SMYD3: variants seen among roughly 807,000 people sequenced by gnomAD.
SMYD3 encodes the protein histone-lysine N-methyltransferase SMYD3.
SMYD3 carries 36 observed loss-of-function variants against 57.7 expected under a neutral mutation model. The observed-to-expected ratio is 0.62, with a 90% CI of 0.48 to 0.82. The LOEUF is 0.82. Ranked by LOEUF, SMYD3 falls within the 40% of genes least tolerant of loss-of-function variation. The pLI is 0.00. For synonymous variants in SMYD3, 211 were observed against 195.0 expected, an observed-to-expected ratio of 1.08 and a Z score of -0.68; for missense variants, 515 against 538.8, an observed-to-expected ratio of 0.96 and a Z score of 0.44.
chr1:245,983,509 A>T (rs1031187704), intron 5 of SMYD3, among the ~76,000 whole-genome samples: 14 of 152,182 alleles, frequency 9.2e-5, no homozygotes, highest in Non-Finnish European at 2.1e-4. Context: ...GCAGATTTTT[A>T]AATTGTTTGA....
Position 246,131,662 on chromosome 1 carries a change from C to T in SMYD3, c.531+195539G>A, listed in dbSNP as rs2061590469. On this transcript the variant is annotated intron_variant, in intron 5 of 11. Transcript: ENST00000490107. ...TTGTCTTTTGTCTATTGAAATATTC[C>T]CCTCCTGACTACACAAATTGTTTCT... Among the ~76,000 whole-genome samples, 3 of 152,264 alleles carry T rather than the reference C, an allele frequency of 2.0e-5. No homozygotes were observed. The South Asian group carries it at 6.2e-4, about 32-fold the overall frequency.
rs912524985 is a variant in SMYD3 at position 245,849,376 on chromosome 1, G to A, written c.1076+9120C>T. On this transcript the variant is annotated intron_variant, in intron 10 of 11. Coordinates refer to ENST00000490107, the MANE Select transcript of SMYD3 (RefSeq NM_001167740.2). Reference sequence around the variant, plus strand: ...TGGCATCGGGAGGATATTTTACACCGTGCTTTAAGATAAAGGTTTGAAGAC... The same window carrying A: ...TGGCATCGGGAGGATATTTTACACCATGCTTTAAGATAAAGGTTTGAAGAC... Among the ~76,000 whole-genome samples, 9 of 152,260 alleles carry A rather than the reference G, an allele frequency of 5.9e-5. 1 individual carries two copies. Among genetic ancestry groups the A allele is most frequent in the East Asian group, 3.9e-4 (2 of 5,164 alleles).
chr1:246,023,092 G>T (rs2148232980), intron 5 of SMYD3, among the ~76,000 whole-genome samples: 1 of 152,228 alleles, frequency 6.6e-6, no homozygotes, highest in Non-Finnish European at 1.5e-5. Context: ...CTCCATTTAG[G>T]ACACAGGCAG....
rs757784996 is a variant in SMYD3 at position 246,203,913 on chromosome 1, T to C, written c.531+123288A>G. Among the ~76,000 whole-genome samples the C allele has an allele frequency of 2.6e-4, 40 of 152,178 alleles. No homozygotes were observed. Among genetic ancestry groups the C allele is most frequent in the Middle Eastern group, 3.2e-3 (1 of 316 alleles). The stretch of plus-strand genomic sequence containing the variant: ...TAGCTGCTTCCCATCACTGCCAAGA[T>C]GTGAAAATACCCTAAACTAGAAGTC... On this transcript the variant is annotated intron_variant, in intron 5 of 11. Transcript: ENST00000490107. The surrounding 1 kb of genome is among the most constrained non-coding windows in gnomAD (Gnocchi z 4.6).
At chr1:245,821,948 G>A (rs1229831260) in intron 10 of SMYD3, among the ~76,000 whole-genome samples, 3 of 151,736 alleles carry the variant, frequency 2.0e-5, no homozygotes, top group African/African-American at 7.3e-5. Flanking sequence ...CACTGTTGGT[G>A]GGACTGTAAA....
At chr1:245,925,874 G>A (rs1418732892) in intron 7 of SMYD3, among the ~76,000 whole-genome samples, 1 of 152,212 alleles carries the variant, frequency 6.6e-6, no homozygotes, top group African/African-American at 2.4e-5. Context: ...TCTAATATGG[G>A]AAATCAGGGA....
chr1:246,004,991 G>A (rs932577921), intron 5 of SMYD3, among the ~76,000 whole-genome samples: 3 of 152,076 alleles, frequency 2.0e-5, no homozygotes, highest in African/African-American at 7.2e-5. Context: ...GACTACAGGC[G>A]TGCACCACCA....
intron 5 of SMYD3, among the ~76,000 whole-genome samples, chr1:246,087,330 C>T (rs759579487): frequency 7.2e-5 from 11 of 152,170 alleles, no homozygotes; most frequent in Admixed American, 3.9e-4. Context: ...GACATAAGTT[C>T]CATGAAGCCA....
At chr1:246,031,507 G>T (rs946753842) in intron 5 of SMYD3, among the ~76,000 whole-genome samples, 24 of 152,262 alleles carry the variant, frequency 1.6e-4, no homozygotes, top group African/African-American at 5.8e-4. Context: ...GGAGGCCGAG[G>T]CAGGCAGATC....
intron 5 of SMYD3, among the ~76,000 whole-genome samples, chr1:246,063,483 G>T (rs1267604479): frequency 6.6e-6 from 1 of 152,034 alleles, no homozygotes; most frequent in Non-Finnish European, 1.5e-5. Flanking sequence ...TGAAATCTCA[G>T]TTGCTAAATG....
At chr1:246,160,799 G>T (rs2062105268) in intron 5 of SMYD3, among the ~76,000 whole-genome samples, 1 of 152,172 alleles carries the variant, frequency 6.6e-6, no homozygotes, top group Admixed American at 6.5e-5. Context: ...TGACTCCTGT[G>T]GGTAAGCATT....
chr1:246,429,566 T>C (rs1310818532), intron 1 of SMYD3, among the ~76,000 whole-genome samples: 1 of 152,242 alleles, frequency 6.6e-6, no homozygotes, highest in Non-Finnish European at 1.5e-5. Context: ...GTCTAGGCTA[T>C]GACTCTATAC....
chr1:246,125,059 G>A (rs1333665469), intron 5 of SMYD3, among the ~76,000 whole-genome samples: 6 of 98,634 alleles, frequency 6.1e-5, no homozygotes, highest in South Asian at 3.9e-4. Flanking sequence ...GCGACAGAGC[G>A]AGACTCCGTC....
intron 1 of SMYD3, among the ~76,000 whole-genome samples, chr1:246,409,431 G>A (rs1572473431): frequency 6.6e-6 from 1 of 152,164 alleles, no homozygotes; most frequent in African/African-American, 2.4e-5. Context: ...ATTAAATAGG[G>A]AATCCTTTCC....
intron 5 of SMYD3, among the ~76,000 whole-genome samples, chr1:246,239,525 A>G (rs1330235777): frequency 6.6e-6 from 1 of 152,170 alleles, no homozygotes; most frequent in Non-Finnish European, 1.5e-5. Context: ...AGTCTTTGCT[A>G]TTGTGAATAC....
chr1:246,273,135 C>CTTTTTTTTTTTTTTT lies in SMYD3; in HGVS notation c.531+54051_531+54065dup, dbSNP rs71299006. Among the ~76,000 whole-genome samples, 103 of 107,576 alleles carry CTTTTTTTTTTTTTTT rather than the reference C, an allele frequency of 9.6e-4. 3 individuals are homozygous for CTTTTTTTTTTTTTTT. The highest frequency in any genetic ancestry group is 5.5e-3 in the Middle Eastern group (1 of 182). The allele number at this position is 107,576 out of a possible 152,430, so 70.6% of individuals were successfully genotyped here. Reference sequence around the variant, plus strand: ...TGATTCATAATAATGTCCCTGTTTTCTTTTTTTTTTTTTTTTTCTTTTTTT... The same window carrying CTTTTTTTTTTTTTTT: ...TGATTCATAATAATGTCCCTGTTTTCTTTTTTTTTTTTTTTTTTTTTTTTTTTTTTTTCTTTTTTT... On this transcript the variant is annotated intron_variant, in intron 5 of 11. Transcript: ENST00000490107.
At chr1:246,013,377 A>G (rs904806967) in intron 5 of SMYD3, among the ~76,000 whole-genome samples, 1 of 152,016 alleles carries the variant, frequency 6.6e-6, no homozygotes, top group African/African-American at 2.4e-5. Context: ...ATGGGGCTTC[A>G]CCATGTTGTC....
chr1:246,096,879 C>A (rs1380109771), intron 5 of SMYD3, among the ~76,000 whole-genome samples: 1 of 152,154 alleles, frequency 6.6e-6, no homozygotes, highest in Non-Finnish European at 1.5e-5. Flanking sequence ...GTCCATCTTA[C>A]CAAAGACAAT....
At chr1:246,491,383 C>G (rs928174721) in intron 1 of SMYD3, among the ~76,000 whole-genome samples, 3 of 151,920 alleles carry the variant, frequency 2.0e-5, no homozygotes, top group Non-Finnish European at 4.4e-5. Flanking sequence ...ACTAAAAATA[C>G]AAAAAAATTA....
Sources: gnomAD v4.1 joint callset for allele counts (sites outside exome capture counted in the v4.1 genomes callset) on GRCh38, gnomAD v4.1.1 for gene constraint, Gnocchi (gnomAD v3.1) non-coding constraint, MANE v1.5 for transcripts, NCBI Gene and HGNC (gene_info 2026-07-23, HGNC 2026-07-21) for gene names.